The following SPATA6 variants were observed in gnomAD, a reference collection of about 807,000 sequenced individuals.
The protein encoded by SPATA6 is spermatogenesis associated 6.
In SPATA6, 56 loss-of-function variants were observed where a neutral mutation model predicts 65.3. The observed-to-expected ratio is 0.86, with a 90% CI of 0.69 to 1.07. The LOEUF is 1.07. Among genes scored for constraint, SPATA6 ranks in the 50% least tolerant of loss-of-function variants. SPATA6 has a pLI of 0.00. For missense variants in SPATA6, 590 were observed against 594.8 expected, an observed-to-expected ratio of 0.99 and a Z score of 0.08; for synonymous variants, 199 against 213.2, an observed-to-expected ratio of 0.93 and a Z score of 0.58.
chr1:48,471,314 G>T (rs1291456423), intron 1 of SPATA6, among the ~76,000 whole-genome samples: 1 of 152,184 alleles, frequency 6.6e-6, no homozygotes, highest in Non-Finnish European at 1.5e-5. Context: ...TTCTTGCAAT[G>T]GCTGGCACAA....
intron 11 of SPATA6, among the ~76,000 whole-genome samples, chr1:48,352,326 G>C (rs973485516): frequency 6.6e-6 from 1 of 151,962 alleles, no homozygotes; most frequent in Non-Finnish European, 1.5e-5. Context: ...GACTTGAGTG[G>C]GCACACAGCC....
At chr1:48,285,965 A>C in the SPATA6 span, among the ~76,000 whole-genome samples, 1 of 152,150 alleles carries the variant, frequency 6.6e-6, no homozygotes, top group Non-Finnish European at 1.5e-5. Flanking sequence ...ACCGTTGTTG[A>C]ATATTAGTTG....
At chr1:48,303,591 T>C (rs374095490) in intron 12 of SPATA6, among the ~76,000 whole-genome samples, 12 of 152,306 alleles carry the variant, frequency 7.9e-5, no homozygotes, top group East Asian at 7.7e-4. Context: ...TTGTTGCTAA[T>C]GAAAAGATTT....
chr1:48,311,225 T>C (rs1269553251), intron 11 of SPATA6, among the ~76,000 whole-genome samples: 2 of 151,636 alleles, frequency 1.3e-5, no homozygotes, highest in African/African-American at 4.8e-5. Flanking sequence ...TGGAAATAAA[T>C]GAGATCAAAA....
chr1:48,371,280 T>TAGATAGATAGATAGATAGAG (rs1647256501), intron 9 of SPATA6, among the ~76,000 whole-genome samples: 1 of 143,486 alleles, frequency 7.0e-6, no homozygotes, highest in Non-Finnish European at 1.5e-5. Context: ...TATAGATAGA[T>TAGATAGATAGATAGATAGAG]AGATAGATAG....
chr1:48,267,623 T>C, the SPATA6 span, among the ~76,000 whole-genome samples: 1 of 152,030 alleles, frequency 6.6e-6, no homozygotes, highest in African/African-American at 2.4e-5. Flanking sequence ...TCTACAGGCG[T>C]CTGTTCCTCC....
intron 9 of SPATA6, among the ~76,000 whole-genome samples, chr1:48,360,012 G>C (rs900540532): frequency 2.0e-5 from 3 of 152,100 alleles, no homozygotes; most frequent in Non-Finnish European, 4.4e-5. Flanking sequence ...GTATAAGACA[G>C]TTCGAAAGGC....
chr1:48,290,800 T>A (rs1294478678), downstream of SPATA6, among the ~76,000 whole-genome samples: 2 of 152,110 alleles, frequency 1.3e-5, no homozygotes, highest in African/African-American at 4.8e-5. Flanking sequence ...GAGCTAACTA[T>A]CCTAAATATA....
intron 11 of SPATA6, among the ~76,000 whole-genome samples, chr1:48,318,856 A>G (rs1163846900): frequency 6.6e-6 from 1 of 152,160 alleles, no homozygotes; most frequent in East Asian, 1.9e-4. Context: ...ACAATTCCTG[A>G]TATCAAAATT....
At chr1:48,280,630 C>A in the SPATA6 span, among the ~76,000 whole-genome samples, 11 of 152,038 alleles carry the variant, frequency 7.2e-5, no homozygotes, top group Non-Finnish European at 1.2e-4. Flanking sequence ...AAGATTAAAC[C>A]AGGAAGAAAT....
At chr1:48,378,965 G>A (rs2148880850) in intron 9 of SPATA6, among the ~76,000 whole-genome samples, 1 of 152,260 alleles carries the variant, frequency 6.6e-6, no homozygotes, top group South Asian at 2.1e-4. Flanking sequence ...AAACCTGGAA[G>A]ACATAATGTT....
chr1:48,377,253 C>T (rs1377609861), intron 9 of SPATA6, among the ~76,000 whole-genome samples: 1 of 152,110 alleles, frequency 6.6e-6, no homozygotes, highest in Admixed American at 6.5e-5. Flanking sequence ...ATTTCATTTG[C>T]TCCCATTGTA....
chr1:48,400,643 TA>T, intron 6 of SPATA6: 1 of 408,844 alleles, frequency 2.4e-6, no homozygotes, highest in Non-Finnish European at 4.0e-6. Context: ...ACTAAGTGAA[TA>T]AAATACAAAT....
At chr1:48,295,157 C>G (rs985343751), downstream of SPATA6, among the ~76,000 whole-genome samples, 2 of 152,214 alleles carry the variant, frequency 1.3e-5, no homozygotes, top group East Asian at 1.9e-4. Flanking sequence ...TAAAATGGCA[C>G]GTTCACTTTG....
Position 48,325,792 on chromosome 1 carries a change from A to G in SPATA6, c.1195-19914T>C, listed in dbSNP as rs576735823. On this transcript the variant is annotated intron_variant, in intron 11 of 12. Coordinates refer to ENST00000371847, the MANE Select transcript of SPATA6 (RefSeq NM_019073.4). ...ATGCGTCAAATGAGACCCTGGAATC[A>G]GTCGGAATTTGCTGAGGCTTGTGAG... is the stretch of plus-strand genomic sequence containing the variant. The G allele has an allele frequency of 1.4e-4, 65 of 449,562 alleles. No individual in the cohort carries two copies. In the Admixed American group the frequency reaches 1.8e-3, roughly 13 times the overall value. The allele number at this position is 449,562 out of a possible 1,614,324, so 27.8% of individuals were successfully genotyped here.
intron 8 of SPATA6, among the ~76,000 whole-genome samples, chr1:48,386,244 A>T (rs1160072381): frequency 1.3e-5 from 2 of 152,230 alleles, no homozygotes; most frequent in African/African-American, 2.4e-5. Context: ...TTTAAAACTA[A>T]TTCTAAATTT....
chr1:48,278,043 C>T, the SPATA6 span, among the ~76,000 whole-genome samples: 1 of 151,696 alleles, frequency 6.6e-6, no homozygotes, highest in Admixed American at 6.6e-5. Flanking sequence ...CTGTTATGCA[C>T]CCATCACTGC....
chr1:48,427,301 T>C (rs1051821116), intron 3 of SPATA6, among the ~76,000 whole-genome samples: 2 of 151,968 alleles, frequency 1.3e-5, no homozygotes, highest in African/African-American at 4.8e-5. Context: ...TATAATGCCT[T>C]AAAATACAAG....
At chr1:48,469,685 C>A (rs375046902) in intron 1 of SPATA6, among the ~76,000 whole-genome samples, 2 of 151,692 alleles carry the variant, frequency 1.3e-5, no homozygotes, top group Non-Finnish European at 2.9e-5. Context: ...AAGAAAGGAA[C>A]TAAAATCAAA....
Sources: allele counts gnomAD v4.1 joint callset (sites outside exome capture counted in the v4.1 genomes callset), GRCh38; gene constraint gnomAD v4.1.1; transcripts MANE v1.5; gene names NCBI Gene and HGNC (gene_info 2026-07-23, HGNC 2026-07-21).